The following ELF2 variants were observed in gnomAD, a reference collection of about 807,000 sequenced individuals.
ELF2 encodes the protein ETS-related transcription factor Elf-2.
Under a neutral mutation model 54.8 loss-of-function variants are expected in ELF2, and 11 were observed. The observed-to-expected ratio is 0.20, with a 90% CI of 0.13 to 0.33. ELF2 has a LOEUF of 0.33. Among genes scored for constraint, ELF2 ranks in the 10% least tolerant of loss-of-function variants. The probability of loss-of-function intolerance (pLI) is 1.00; values close to 1 mark genes in which losing one functional copy is unlikely to be tolerated. For missense variants in ELF2, 513 were observed against 703.0 expected (o/e 0.73, Z 3.06); for synonymous variants, 203 against 245.1 (o/e 0.83, Z 1.61).
intron 4 of ELF2, among the ~76,000 whole-genome samples, chr4:139,089,829 C>A (rs552523251): frequency 6.6e-6 from 1 of 152,210 alleles, no homozygotes; most frequent in African/African-American, 2.4e-5. Flanking sequence ...CCATTTCTCA[C>A]TTTTAGAAAT....
Position 139,125,218 on chromosome 4 carries a change from T to G in ELF2, c.184A>C (p.Met62Leu), listed in dbSNP as rs776715586. ...QVLVYDDETY[M>L]MQDVAEEQEV... ...TGTTCTTCTGCCACATCTTGCATCA[T>G]ATAAGTCTCATCATCATAAACCAGA... The change falls in exon 4 of 10, where the codon ATG (methionine) becomes CTG (leucine). Residue 62 changes from methionine to leucine, a missense_variant. This residue lies in a region of ELF2 where 203 missense variants were observed against 245.9 expected (regional missense o/e 0.83). Transcript: ENST00000686138. 1.2e-6 allele frequency: 2 copies of G among 1,613,846 alleles called. No homozygotes were observed. Among genetic ancestry groups the G allele is most frequent in the African/African-American group, 1.3e-5 (1 of 74,942 alleles).
chr4:139,133,662 G>A (rs1259502572), intron 3 of ELF2, among the ~76,000 whole-genome samples: 3 of 145,764 alleles, frequency 2.1e-5, no homozygotes, highest in Non-Finnish European at 4.5e-5. Context: ...AAGATACGGG[G>A]TTCACTATGT....
At chr4:139,145,344 A>C (rs1435318928) in intron 1 of ELF2, among the ~76,000 whole-genome samples, 2 of 152,140 alleles carry the variant, frequency 1.3e-5, no homozygotes, top group Non-Finnish European at 2.9e-5. Context: ...TTGCTGGGAG[A>C]CTTGAGGACA....
chr4:139,091,321 C>T (rs1176621681), intron 4 of ELF2, among the ~76,000 whole-genome samples: 1 of 151,970 alleles, frequency 6.6e-6, no homozygotes, highest in Non-Finnish European at 1.5e-5. Context: ...ATAAAAAATG[C>T]AACATGTCAA....
At chr4:139,164,164 A>AAAAG (rs376148384) in intron 1 of ELF2, among the ~76,000 whole-genome samples, 7 of 147,920 alleles carry the variant, frequency 4.7e-5, no homozygotes, top group African/African-American at 1.3e-4. Context: ...AGAAAGAAGG[A>AAAAG]AAAGAAAGAA....
intron 4 of ELF2, among the ~76,000 whole-genome samples, chr4:139,076,817 C>A (rs1730374845): frequency 6.6e-6 from 1 of 152,140 alleles, no homozygotes; most frequent in African/African-American, 2.4e-5. Flanking sequence ...ATTACTTCTT[C>A]AAGGTGTAAT....
At chr4:139,107,669 A>G (rs1734553103) in intron 4 of ELF2, among the ~76,000 whole-genome samples, 4 of 152,200 alleles carry the variant, frequency 2.6e-5, no homozygotes, top group Admixed American at 2.6e-4. Flanking sequence ...AGCACCTCTC[A>G]ATAGCTAAAC....
Position 139,057,463 on chromosome 4 carries a change from A to T in ELF2, c.*1520T>A, listed in dbSNP as rs1334589726. ...TAGTAGAAAGAGCATTAAGATATGG[A>T]GTGACAGACAGTAGTAAAATTACAT... On this transcript the variant is annotated 3_prime_UTR_variant, in exon 10 of 10. Transcript: ENST00000686138. 1 of 152,226 alleles carries T rather than the reference A, an allele frequency of 6.6e-6. No individual in the cohort carries two copies. Among genetic ancestry groups the T allele is most frequent in the East Asian group, 1.9e-4 (1 of 5,202 alleles). The allele number at this position is 152,226 out of a possible 1,614,324, so 9.4% of individuals were successfully genotyped here.
intron 4 of ELF2, chr4:139,115,461 C>G (rs1735595440): frequency 1.0e-6 from 1 of 958,370 alleles, no homozygotes; most frequent in Non-Finnish European, 1.2e-6. Context: ...GGTTAGCTCG[C>G]CGCGGCGAGG....
chr4:139,114,883 G>A, intron 4 of ELF2: 5 of 1,607,198 alleles, frequency 3.1e-6, no homozygotes, highest in Non-Finnish European at 3.4e-6. Flanking sequence ...AGGTTGGGGG[G>A]CAGCGATTGT....
chr4:139,086,026 C>T (rs901060161), intron 4 of ELF2, among the ~76,000 whole-genome samples: 10 of 152,160 alleles, frequency 6.6e-5, no homozygotes, highest in Non-Finnish European at 1.3e-4. Context: ...AAAACTCTTA[C>T]AAAACAGTCT....
chr4:139,060,799 A>AG (rs1418453600), intron 8 of ELF2, 125 bp from the exon 9 acceptor site: 6 of 801,766 alleles, frequency 7.5e-6, no homozygotes, highest in African/African-American at 6.9e-5. Flanking sequence ...ATAACAGATG[A>AG]GAAAAAAACA....
In ELF2 at chr4:139,151,032, A is replaced by AGAAAGAAAGAAAGAAAGAAAGAG. The variant is rs1553971300; in HGVS notation, c.-251-11536_-251-11535insCTCTTTCTTTCTTTCTTTCTTTC. Among the ~76,000 whole-genome samples, 127 of 102,532 alleles carry AGAAAGAAAGAAAGAAAGAAAGAG rather than the reference A, an allele frequency of 1.2e-3. 6 individuals carry two copies. Among genetic ancestry groups the AGAAAGAAAGAAAGAAAGAAAGAG allele is most frequent in the African/African-American group, 6.2e-3 (122 of 19,728 alleles). The allele number at this position is 102,532 out of a possible 152,430, so 67.3% of individuals were successfully genotyped here. A position where few individuals can be genotyped will look rare whatever the true frequency, so the allele number is the denominator to read the frequency against. ...GAACGAGGCTCCATCTCAAAAAAAA[A>AGAAAGAAAGAAAGAAAGAAAGAG]AAAGAAAGAAAGAAAGAAAGAAAGA... On this transcript the variant is annotated intron_variant, in intron 1 of 9. Coordinates refer to ENST00000686138, the MANE Select transcript of ELF2 (RefSeq NM_001331036.3).
intron 3 of ELF2, among the ~76,000 whole-genome samples, chr4:139,128,524 CTTTTT>C (rs572395535): frequency 7.1e-6 from 1 of 139,970 alleles, no homozygotes; most frequent in Non-Finnish European, 1.6e-5. Flanking sequence ...TATTTTTTTG[CTTTTT>C]TTTTTTTTTT....
intron 4 of ELF2, among the ~76,000 whole-genome samples, chr4:139,075,745 A>T (rs918696039): frequency 6.6e-6 from 1 of 152,184 alleles, no homozygotes; most frequent in Non-Finnish European, 1.5e-5. Context: ...TATTTTATGT[A>T]CTGAATTAAG....
At chr4:139,146,783 A>G (rs1165862043) in intron 1 of ELF2, among the ~76,000 whole-genome samples, 1 of 152,160 alleles carries the variant, frequency 6.6e-6, no homozygotes, top group Non-Finnish European at 1.5e-5. Flanking sequence ...AGGACACCCT[A>G]TTTATTTAAT....
chr4:139,063,343 A>T (rs1389422868), intron 7 of ELF2, among the ~76,000 whole-genome samples: 2 of 152,186 alleles, frequency 1.3e-5, no homozygotes, highest in African/African-American at 4.8e-5. Context: ...GATTACACCC[A>T]ATAGACGGAA....
At chr4:139,084,462 CTGT>C (rs1408350413) in intron 4 of ELF2, 16 of 1,127,780 alleles carry the variant, frequency 1.4e-5, no homozygotes, top group Non-Finnish European at 1.6e-5. Context: ...GCGGCGGCGG[CTGT>C]GGCTGTGGCG....
chr4:139,092,381 A>C (rs1732702256), intron 4 of ELF2, among the ~76,000 whole-genome samples: 1 of 111,248 alleles, frequency 9.0e-6, no homozygotes, highest in African/African-American at 3.2e-5. Context: ...ACGTAACATA[A>C]CATAACATAA....
Sources: allele counts gnomAD v4.1 joint callset (sites outside exome capture counted in the v4.1 genomes callset), GRCh38; gene constraint gnomAD v4.1.1; regional missense constraint gnomAD v4.1.1; transcripts MANE v1.5; gene names NCBI Gene and HGNC (gene_info 2026-07-23, HGNC 2026-07-21).